The following GRID2 variants were observed in gnomAD, a reference collection of about 807,000 sequenced individuals.
The protein encoded by GRID2 is glutamate receptor ionotropic, delta-2.
In GRID2, 33 loss-of-function variants were observed where a neutral mutation model predicts 114.8. The observed-to-expected ratio is 0.29, with a 90% CI of 0.22 to 0.38. The LOEUF is 0.38. Ranked by LOEUF, GRID2 falls within the 10% of genes least tolerant of loss-of-function variation. The probability of loss-of-function intolerance (pLI) is 1.00; values close to 1 mark genes in which losing one functional copy is unlikely to be tolerated. For synonymous variants in GRID2, 505 were observed against 449.9 expected (o/e 1.12, Z -1.55); for missense variants, 1,184 against 1,257.7 (o/e 0.94, Z 0.89).
intron 2 of GRID2, among the ~76,000 whole-genome samples, chr4:92,751,738 G>A (rs1737464146): frequency 6.6e-6 from 1 of 152,134 alleles, no homozygotes; most frequent in Non-Finnish European, 1.5e-5. Flanking sequence ...ATACTGTAAT[G>A]ATTTTTGACA....
intron 2 of GRID2, among the ~76,000 whole-genome samples, chr4:92,803,816 C>G (rs1740285478): frequency 6.6e-6 from 1 of 152,012 alleles, no homozygotes; most frequent in Non-Finnish European, 1.5e-5. Context: ...GTTCCACAAA[C>G]TGGGTGGCTT....
chr4:93,110,972 G>C lies in GRID2; in HGVS notation c.735+19G>C, dbSNP rs540686051. 1 of 1,510,022 alleles carries C rather than the reference G, an allele frequency of 6.6e-7. No individual in the cohort carries two copies. The highest frequency in any genetic ancestry group is 9.2e-7 in the Non-Finnish European group (1 of 1,085,062). The allele number at this position is 1,510,022 out of a possible 1,614,324, so 93.5% of individuals were successfully genotyped here. ...TACTGAGGTAAGTGAAAATTGTCTT[G>C]GGGTGAGAGTTGTACAAAACAATTA... is the stretch of plus-strand genomic sequence containing the variant. On this transcript the variant is annotated intron_variant, in intron 4 of 15. Transcript: ENST00000282020.
intron 14 of GRID2, among the ~76,000 whole-genome samples, chr4:93,724,512 A>T (rs891292720): frequency 1.3e-5 from 2 of 152,218 alleles, no homozygotes; most frequent in Non-Finnish European, 1.5e-5. Flanking sequence ...ATATACTATT[A>T]GGAAGTCATA....
intron 4 of GRID2, among the ~76,000 whole-genome samples, chr4:93,177,777 C>G (rs1406098616): frequency 6.6e-6 from 1 of 151,940 alleles, no homozygotes. Flanking sequence ...TGTCATTGCT[C>G]CTTTATAATA....
At chr4:93,166,315 A>T (rs1246776330) in intron 4 of GRID2, among the ~76,000 whole-genome samples, 3 of 152,166 alleles carry the variant, frequency 2.0e-5, no homozygotes, top group African/African-American at 7.2e-5. Flanking sequence ...AAGTGGGTAG[A>T]AGGAGTTATA....
intron 1 of GRID2, among the ~76,000 whole-genome samples, chr4:92,400,374 A>ACAG (rs1730729126): frequency 6.6e-6 from 1 of 152,160 alleles, no homozygotes; most frequent in Admixed American, 6.6e-5. Context: ...GCCTTTTGTC[A>ACAG]CAGCATCTTT....
intron 2 of GRID2, among the ~76,000 whole-genome samples, chr4:92,800,807 A>G (rs1305613207): frequency 1.3e-5 from 2 of 151,988 alleles, no homozygotes; most frequent in African/African-American, 4.8e-5. Context: ...ATTTAGACCC[A>G]AAAATGTTTT....
intron 2 of GRID2, among the ~76,000 whole-genome samples, chr4:92,609,297 A>G (rs923710813): frequency 1.3e-5 from 2 of 151,778 alleles, no homozygotes; most frequent in East Asian, 1.9e-4. Context: ...ACAAATATTT[A>G]TCGAGTGTCT....
At chr4:93,156,973 C>A (rs1402093360) in intron 4 of GRID2, among the ~76,000 whole-genome samples, 1 of 151,706 alleles carries the variant, frequency 6.6e-6, no homozygotes. Flanking sequence ...CACAATTAAG[C>A]ATCATATAAA....
At chr4:92,478,753 A>G (rs2149102527) in intron 1 of GRID2, among the ~76,000 whole-genome samples, 1 of 152,046 alleles carries the variant, frequency 6.6e-6, no homozygotes, top group South Asian at 2.1e-4. Context: ...ATGGTTTTCC[A>G]TCTTGTTTCT....
intron 1 of GRID2, among the ~76,000 whole-genome samples, chr4:92,517,191 G>T (rs1029889925): frequency 1.4e-5 from 2 of 142,974 alleles, no homozygotes; most frequent in African/African-American, 4.9e-5. Flanking sequence ...TAATAAGATC[G>T]TTCAGCAAGA....
intron 2 of GRID2, among the ~76,000 whole-genome samples, chr4:92,777,841 A>G (rs184201003): frequency 4.0e-4 from 61 of 152,058 alleles, no homozygotes; most frequent in Middle Eastern, 3.4e-3. Flanking sequence ...TTGACTTTGG[A>G]CTTTCAGATT....
At chr4:92,956,327 C>A (rs1752408950) in intron 2 of GRID2, among the ~76,000 whole-genome samples, 1 of 152,124 alleles carries the variant, frequency 6.6e-6, no homozygotes, top group Non-Finnish European at 1.5e-5. Flanking sequence ...CATATATGCA[C>A]AATTATGGTA....
At chr4:92,740,320 T>C (rs1736811940) in intron 2 of GRID2, among the ~76,000 whole-genome samples, 1 of 152,198 alleles carries the variant, frequency 6.6e-6, no homozygotes, top group Admixed American at 6.5e-5. Context: ...CCTTTCTGCA[T>C]TTTTCTTTAT....
At chr4:92,520,359 C>T (rs965122255) in intron 1 of GRID2, among the ~76,000 whole-genome samples, 3 of 144,592 alleles carry the variant, frequency 2.1e-5, no homozygotes, top group Non-Finnish European at 4.6e-5. Context: ...ATTTTCTATA[C>T]ACATGAACAT....
chr4:93,294,247 G>A (rs984936149), intron 8 of GRID2, among the ~76,000 whole-genome samples: 5 of 152,166 alleles, frequency 3.3e-5, no homozygotes, highest in Non-Finnish European at 7.3e-5. Context: ...TCTCAGGGAG[G>A]CAGAAAAAGA....
intron 2 of GRID2, among the ~76,000 whole-genome samples, chr4:92,970,253 C>T (rs1001059396): frequency 7.2e-5 from 11 of 151,850 alleles, no homozygotes; most frequent in African/African-American, 2.7e-4. Flanking sequence ...GTCATTTCAG[C>T]AGAAAGTGTT....
chr4:92,586,046 A>AC (rs892820655), intron 1 of GRID2, among the ~76,000 whole-genome samples: 4 of 151,426 alleles, frequency 2.6e-5, no homozygotes, highest in Non-Finnish European at 5.9e-5. Flanking sequence ...TAATGTTAAA[A>AC]AGATTTAATC....
chr4:93,511,235 C>T (rs1225467226), intron 12 of GRID2, among the ~76,000 whole-genome samples: 1 of 152,070 alleles, frequency 6.6e-6, no homozygotes, highest in African/African-American at 2.4e-5. Flanking sequence ...CTGCGCCTGG[C>T]CCCAAATTAA....
Sources: allele counts gnomAD v4.1 joint callset (sites outside exome capture counted in the v4.1 genomes callset), GRCh38; gene constraint gnomAD v4.1.1; transcripts MANE v1.5; gene names NCBI Gene and HGNC (gene_info 2026-07-23, HGNC 2026-07-21).